The following BPHL variants were observed in gnomAD, a reference collection of about 807,000 sequenced individuals.
BPHL encodes the protein biphenyl hydrolase like, also known as serine hydrolase BPHL.
BPHL carries 27 observed loss-of-function variants against 31.2 expected under a neutral mutation model. The ratio of observed to expected loss-of-function variants is 0.87; its 90% confidence interval spans 0.64 to 1.19. BPHL has a LOEUF of 1.19. BPHL is among the 50% of genes most tolerant of loss of function. BPHL has a pLI of 0.00. For missense variants in BPHL, 356 were observed against 375.7 expected (o/e 0.95, Z 0.43); for synonymous variants, 150 against 146.8 (o/e 1.02, Z -0.16).
chr6:3,119,632 T>G, intron 1 of BPHL: 1 of 1,378,608 alleles, frequency 7.3e-7, no homozygotes, highest in Non-Finnish European at 1.0e-6. Context: ...CTTGTTTTAC[T>G]TTATTCTCTA....
chr6:3,128,945 C>T, intron 3 of BPHL, 100 bp from the exon 4 acceptor site: 1 of 1,545,684 alleles, frequency 6.5e-7, no homozygotes, highest in South Asian at 1.1e-5. Flanking sequence ...AATTGATACT[C>T]CAGCCTCACA....
rs573587766 is a variant in BPHL, at chr6:3,143,898, C to T, written c.788+3389C>T. 3.6e-4 allele frequency among the ~76,000 whole-genome samples: 55 copies of T among 152,286 alleles called. No individual in the cohort carries two copies. In the East Asian group the frequency reaches 0.01, roughly 28 times the overall value. ...TGCAAACGATGAGTCCCTCGCCTCTCGCCTGCGGCCCTTCTCCACCCCTCA... is the reference window on the plus strand; with the variant it reads ...TGCAAACGATGAGTCCCTCGCCTCTTGCCTGCGGCCCTTCTCCACCCCTCA... On this transcript the variant is annotated intron_variant, in intron 6 of 6. Transcript: ENST00000380379.
chr6:3,145,154 G>T (rs1293671922), intron 6 of BPHL, among the ~76,000 whole-genome samples: 1 of 133,882 alleles, frequency 7.5e-6, no homozygotes, highest in Non-Finnish European at 1.6e-5. Context: ...TTTGGGTCGA[G>T]TGCTGGTTCA....
Position 3,137,370 on chromosome 6 carries a change from G to A in BPHL, c.541G>A (p.Asp181Asn), listed in dbSNP as rs1762040445. 2 of 1,612,312 alleles carry A rather than the reference G, an allele frequency of 1.2e-6. No homozygotes were observed. Among genetic ancestry groups the A allele is most frequent in the Non-Finnish European group, 1.7e-6 (2 of 1,179,668 alleles). Residue 181 changes from aspartate (D) to asparagine (N), a missense_variant, in exon 5 of 7, where the codon GAT becomes AAT. Asp to Asn is a conservative substitution (Grantham distance 23). Transcript: ENST00000380379. ...EDSMIYEGIRDVSKWSERTRK... is the reference protein window; with the variant it reads ...EDSMIYEGIRNVSKWSERTRK... ...ACACTTCTGTTTTTCAGGCATCCGA[G>A]ATGTTTCCAAATGGAGTGAGAGAAC... is the stretch of plus-strand genomic sequence containing the variant.
At chr6:3,118,558 T>A (rs916190336), upstream of BPHL, 1 of 416,414 alleles carries the variant, frequency 2.4e-6, no homozygotes, top group Non-Finnish European at 4.1e-6. Context: ...ACGAGCCGAG[T>A]TTCGGTCGCC....
chr6:3,145,987 C>T (rs1361091808), intron 6 of BPHL, among the ~76,000 whole-genome samples: 6 of 8,390 alleles, frequency 7.2e-4, no homozygotes, highest in South Asian at 2.9e-3. Flanking sequence ...TGGTTTGGGT[C>T]GAGTGCTGGT....
intron 2 of BPHL, among the ~76,000 whole-genome samples, chr6:3,125,649 G>A (rs900602968): frequency 5.9e-5 from 9 of 151,950 alleles, no homozygotes; most frequent in Non-Finnish European, 1.2e-4. Flanking sequence ...CCTCCTTCAG[G>A]GTACTTCCGT....
At chr6:3,146,564 GCTGGTTCGGGGTGGAGTA>G (rs1762378942) in intron 6 of BPHL, among the ~76,000 whole-genome samples, 1 of 90,394 alleles carries the variant, frequency 1.1e-5, no homozygotes, top group Admixed American at 1.2e-4. Context: ...GGTCGGGAGT[GCTGGTTCGGGGTGGAGTA>G]CTGGTTTGGG....
intron 6 of BPHL, among the ~76,000 whole-genome samples, chr6:3,148,066 C>T (rs2113778711): frequency 6.6e-6 from 1 of 152,336 alleles, no homozygotes; most frequent in East Asian, 1.9e-4. Context: ...CTCATGAACA[C>T]ACTCAGAAAT....
intron 6 of BPHL, among the ~76,000 whole-genome samples, chr6:3,144,065 T>C (rs1244183846): frequency 6.6e-6 from 1 of 152,208 alleles, no homozygotes; most frequent in Non-Finnish European, 1.5e-5. Context: ...TTATACCTTT[T>C]TTCTTCCTCT....
At chr6:3,128,284 C>G (rs1458688146) in intron 3 of BPHL, among the ~76,000 whole-genome samples, 1 of 152,150 alleles carries the variant, frequency 6.6e-6, no homozygotes, top group Non-Finnish European at 1.5e-5. Flanking sequence ...GCTCCTGGCA[C>G]ACAGGGAGAA....
rs764404177 is a variant in BPHL, at chr6:3,129,038, AT to A, written c.379-6del. 2.8e-5 allele frequency: 46 copies of A among 1,614,132 alleles called. No homozygotes were observed. The highest frequency in any genetic ancestry group is 3.6e-5 in the Non-Finnish European group (43 of 1,180,054). ...CCCGTGCCGTGCATTTTGTCGTATG[AT>A]CATAGGCGCTGAAGTTTAAGAAGGT... On this transcript the variant is annotated splice_polypyrimidine_tract_variant and splice_region_variant and intron_variant, in intron 3 of 6. Coordinates refer to ENST00000380379, the MANE Select transcript of BPHL (RefSeq NM_004332.4).
At chr6:3,127,662 A>G (rs781376167) in intron 3 of BPHL, among the ~76,000 whole-genome samples, 1 of 152,022 alleles carries the variant, frequency 6.6e-6, no homozygotes, top group Non-Finnish European at 1.5e-5. Flanking sequence ...TTTCATATTG[A>G]TGGCATCGTG....
chr6:3,118,766 G>T lies in BPHL; in HGVS notation c.26G>T (p.Gly9Val), dbSNP rs1327590397. The T allele has an allele frequency of 2.4e-6, 3 of 1,256,094 alleles. No homozygotes were observed. Among genetic ancestry groups the T allele is most frequent in the Non-Finnish European group, 3.0e-6 (3 of 996,556 alleles). The allele number at this position is 1,256,094 out of a possible 1,614,324, so 77.8% of individuals were successfully genotyped here. A position where few individuals can be genotyped will look rare whatever the true frequency, so the allele number is the denominator to read the frequency against. Residue 9 changes from glycine to valine, a missense_variant, in exon 1 of 7, where the codon GGC becomes GTC. By Grantham distance (109) the Gly-to-Val change is moderately radical. Transcript: ENST00000380379. ...ATGGTGGCTGTGCTGGGCGGCCGGG[G>T]CGTGTTGCGCCTGCGGCTGCTTCTC... MVAVLGGR[G>V]VLRLRLLLSA...
rs1186170388 is a variant in BPHL, at chr6:3,145,294, C to CGAGTGCTGGTTCGGGGTG, written c.788+4832_788+4849dup. Among the ~76,000 whole-genome samples, 48 of 6,154 alleles carry CGAGTGCTGGTTCGGGGTG rather than the reference C, an allele frequency of 7.8e-3. 8 individuals are homozygous for CGAGTGCTGGTTCGGGGTG. Among genetic ancestry groups the CGAGTGCTGGTTCGGGGTG allele is most frequent in the Non-Finnish European group, 0.011 (36 of 3,278 alleles). 4.0% of individuals were successfully genotyped at this position (6,154 alleles called of 152,430 possible). A position where few individuals can be genotyped will look rare whatever the true frequency, so the allele number is the denominator to read the frequency against. On this transcript the variant is annotated intron_variant, in intron 6 of 6. Transcript: ENST00000380379. ...GTGGGTTGGAGTGCTGGTTCGGGTC[C>CGAGTGCTGGTTCGGGGTG]GAGTGCTGGTTCGGGGTGGAGTGCT...
intron 4 of BPHL, among the ~76,000 whole-genome samples, chr6:3,135,848 T>C (rs1437439992): frequency 6.6e-6 from 1 of 152,192 alleles, no homozygotes; most frequent in Non-Finnish European, 1.5e-5. Flanking sequence ...CGAGAGCGCT[T>C]TCCTTCCGGG....
chr6:3,132,113 C>G (rs1761887606), intron 4 of BPHL, among the ~76,000 whole-genome samples: 1 of 152,192 alleles, frequency 6.6e-6, no homozygotes, highest in Non-Finnish European at 1.5e-5. Context: ...TACTTCCCCT[C>G]CTGGCTACTC....
intron 4 of BPHL, among the ~76,000 whole-genome samples, chr6:3,136,230 C>T (rs1762015740): frequency 6.6e-6 from 1 of 152,218 alleles, no homozygotes. Flanking sequence ...TGCTAGCCAT[C>T]TTCACACTGT....
rs904489162 is a variant in BPHL at position 3,149,966 on chromosome 6, C to A, written c.789-2522C>A. On this transcript the variant is annotated intron_variant, in intron 6 of 6. Transcript: ENST00000380379. This position sits in a 1 kb window ranked among gnomAD's most constrained non-coding sequence, Gnocchi z 4.6. Reference sequence around the variant, plus strand: ...CTTAGGTGGGGCTTTCTAGAAGAAGCAGAATGAAAAAGGAAAATATTTAGT... The same window carrying A: ...CTTAGGTGGGGCTTTCTAGAAGAAGAAGAATGAAAAAGGAAAATATTTAGT... The A allele has an allele frequency of 3.9e-5, 6 of 152,024 alleles. No individual in the cohort carries two copies. The highest frequency in any genetic ancestry group is 1.5e-4 in the African/African-American group (6 of 41,378). 9.4% of individuals were successfully genotyped at this position (152,024 alleles called of 1,614,324 possible).
Sources: allele counts gnomAD v4.1 joint callset (sites outside exome capture counted in the v4.1 genomes callset), GRCh38; gene constraint gnomAD v4.1.1; non-coding constraint Gnocchi (gnomAD v3.1); transcripts MANE v1.5; gene names NCBI Gene and HGNC (gene_info 2026-07-23, HGNC 2026-07-21).